SLC12A7: variants seen among roughly 807,000 people sequenced by gnomAD.
SLC12A7 encodes solute carrier family 12 member 7.
Under a neutral mutation model 120.6 loss-of-function variants are expected in SLC12A7, and 100 were observed. The ratio of observed to expected loss-of-function variants is 0.83; its 90% CI spans 0.71 to 0.98. SLC12A7 has a LOEUF of 0.98. SLC12A7 is among the 50% of genes least tolerant of loss of function. SLC12A7 has a pLI of 0.00. For missense variants in SLC12A7, 1,373 were observed against 1,548.1 expected, an observed-to-expected ratio of 0.89 and a Z score of 1.90; for synonymous variants, 760 against 678.0, an observed-to-expected ratio of 1.12 and a Z score of -1.88.
chr5:1,130,504 G>T, the SLC12A7 span, among the ~76,000 whole-genome samples: 2 of 147,834 alleles, frequency 1.4e-5, no homozygotes, highest in African/African-American at 4.9e-5. Flanking sequence ...CCCTGCCCAC[G>T]GCTGCACACG....
At chr5:1,085,008 G>T (rs1200869325) in intron 7 of SLC12A7, among the ~76,000 whole-genome samples, 1 of 152,208 alleles carries the variant, frequency 6.6e-6, no homozygotes, top group Non-Finnish European at 1.5e-5. Context: ...CACTGAGGAG[G>T]GTCTTCATGC....
chr5:1,081,384 G>A (rs1037054771), intron 9 of SLC12A7, among the ~76,000 whole-genome samples, 193 bp downstream of exon 9: 13 of 152,118 alleles, frequency 8.5e-5, no homozygotes, highest in African/African-American at 2.9e-4. Flanking sequence ...TTAGCCGGGC[G>A]TGGTACTGGG....
intron 8 of SLC12A7, 117 bp downstream of exon 8, chr5:1,083,628 G>A (rs1049974527): frequency 2.8e-5 from 30 of 1,073,866 alleles, no homozygotes; most frequent in Non-Finnish European, 2.7e-5. Context: ...GAAGGGGCTC[G>A]GCCAGGCAGG....
Position 1,083,937 on chromosome 5 carries a change from G to T in SLC12A7, c.937C>A (p.Arg313Ser). The change falls in exon 8 of 24, where the codon CGC (arginine) becomes AGC (serine). Residue 313 changes from arginine (R) to serine (S), a missense_variant. Transcript: ENST00000264930. ...TCGAAGCTGCGCCGTGACAGCGTGC[G>T]GTTCCCCAGGAGGCAGACCCTGGGC... Reference protein sequence around the residue: ...PDIPVCLLGNRTLSRRSFDAC... With the variant: ...PDIPVCLLGNSTLSRRSFDAC... 6.2e-7 allele frequency: 1 copy of T among 1,603,422 alleles called. No individual in the cohort carries two copies.
At position 1,076,184 on chromosome 5, in the gene SLC12A7, G is replaced by A; in HGVS notation, c.1801C>T (p.Leu601=). The change falls in exon 14 of 24, where the codon CTG becomes TTG. Residue 601 remains leucine, a synonymous_variant. Coordinates refer to ENST00000264930, the MANE Select transcript of SLC12A7 (RefSeq NM_006598.3). ...FVNLACAVQT[L]LRTPNWRPRF... The stretch of plus-strand genomic sequence containing the variant: ...GGACGCCAGTTGGGGGTACGTAGCA[G>A]GGTCTGCACGGCGCAGGCCAGGTTC... 1 of 1,612,560 alleles carries A rather than the reference G, an allele frequency of 6.2e-7. No homozygotes were observed. Among genetic ancestry groups the A allele is most frequent in the Non-Finnish European group, 8.5e-7 (1 of 1,179,710 alleles).
At chr5:1,087,803 T>G (rs889473672) in intron 5 of SLC12A7, among the ~76,000 whole-genome samples, 1 of 152,182 alleles carries the variant, frequency 6.6e-6, no homozygotes, top group Non-Finnish European at 1.5e-5. Context: ...CGTTTATTAC[T>G]AATTAACAGT....
the SLC12A7 span, among the ~76,000 whole-genome samples, chr5:1,141,173 A>C: frequency 3.9e-5 from 6 of 152,244 alleles, no homozygotes; most frequent in South Asian, 1.2e-3. Context: ...TGCAGGCCCC[A>C]GCTTCTCCCT....
chr5:1,065,424 C>G lies in SLC12A7; in HGVS notation c.2296G>C (p.Val766Leu), dbSNP rs1408669653. 6.2e-7 allele frequency: 1 copy of G among 1,611,520 alleles called. No homozygotes were observed. The highest frequency in any genetic ancestry group is 8.5e-7 in the Non-Finnish European group (1 of 1,179,134). ...ATGCCATCCCGCAGGCTGGACGAGA[C>G]CACCAGCTGGCAGAAGCCCTTGGTC... Reference protein sequence around the residue: ...EKTKGFCQLVVSSSLRDGMSH... With the variant: ...EKTKGFCQLVLSSSLRDGMSH... Residue 766 changes from valine (V) to leucine (L), a missense_variant, in exon 18 of 24, where the codon GTC (valine) becomes CTC (leucine). Transcript: ENST00000264930.
rs1351467899 is a variant in SLC12A7, at chr5:1,079,385, C to T, written c.1396+13G>A. Reference sequence around the variant, plus strand: ...AGAGGCTGGAACCCTCGCCTGCACCCCTCCAAGGATACAGATGAAAGACGT... The same window carrying T: ...AGAGGCTGGAACCCTCGCCTGCACCTCTCCAAGGATACAGATGAAAGACGT... On this transcript the variant is annotated intron_variant, in intron 10 of 23. Transcript: ENST00000264930. 4 of 1,605,324 alleles carry T rather than the reference C, an allele frequency of 2.5e-6. No individual in the cohort carries two copies. The highest frequency in any genetic ancestry group is 3.4e-6 in the Non-Finnish European group (4 of 1,173,262).
intron 20 of SLC12A7, among the ~76,000 whole-genome samples, chr5:1,061,396 A>ATC (rs1736243027): frequency 2.0e-5 from 1 of 50,648 alleles, no homozygotes; most frequent in African/African-American, 8.0e-5. Context: ...CACCCGCCGT[A>ATC]CCTGCCGCAT....
chr5:1,130,860 C>T, the SLC12A7 span, among the ~76,000 whole-genome samples: 6 of 152,214 alleles, frequency 3.9e-5, no homozygotes, highest in Admixed American at 6.5e-5. Context: ...CCAAGGGGAG[C>T]GGCTGGGCCA....
the SLC12A7 span, among the ~76,000 whole-genome samples, chr5:1,119,438 C>A: frequency 0.034 from 5,126 of 152,300 alleles, 281 homozygotes; most frequent in East Asian, 0.18. Context: ...CGCAGGCACG[C>A]ACACATCCCT....
At chr5:1,057,763 T>C in intron 21 of SLC12A7, 114 bp from the exon 22 acceptor site, 1 of 1,050,756 alleles carries the variant, frequency 9.5e-7, no homozygotes, top group Non-Finnish European at 1.4e-6. Flanking sequence ...AAGGGCCCTG[T>C]GTGCCTGACC....
the SLC12A7 span, among the ~76,000 whole-genome samples, chr5:1,131,133 G>A: frequency 6.6e-6 from 1 of 152,146 alleles, no homozygotes; most frequent in African/African-American, 2.4e-5. Context: ...GTATTCGCAG[G>A]GACACACAGG....
chr5:1,081,892 C>T (rs533628331), intron 8 of SLC12A7, 148 bp from the exon 9 acceptor site: 30 of 914,464 alleles, frequency 3.3e-5, no homozygotes, highest in Admixed American at 1.7e-4. Context: ...AATTCAAACA[C>T]GCTTTCGAGA....
rs891625851 is a variant in SLC12A7 at position 1,051,151 on chromosome 5, C to T, written c.*1209G>A. 3.9e-5 allele frequency: 15 copies of T among 389,382 alleles called. No individual in the cohort carries two copies. Among genetic ancestry groups the T allele is most frequent in the South Asian group, 1.4e-4 (1 of 6,924 alleles). 24.1% of individuals were successfully genotyped at this position (389,382 alleles called of 1,614,324 possible). ...TACAAAGCAGAAACTCACAGCCAGC[C>T]GAAGTGCAAAGTGTTGGGCCCTTGA... On this transcript the variant is annotated 3_prime_UTR_variant, in exon 24 of 24. Coordinates refer to ENST00000264930, the MANE Select transcript of SLC12A7 (RefSeq NM_006598.3).
chr5:1,063,959 C>G lies in SLC12A7; in HGVS notation c.2624G>C (p.Arg875Pro). 6.2e-7 allele frequency: 1 copy of G among 1,612,532 alleles called. No homozygotes were observed. The highest frequency in any genetic ancestry group is 8.5e-7 in the Non-Finnish European group (1 of 1,179,800). ...CTGGGCCACGGTGAAGATACGCATC[C>G]GGCACTTCCTCCACACCTGCAGACA... The part of the protein sequence containing the change: ...LRQHKVWRKC[R>P]MRIFTVAQVD... The change falls in exon 20 of 24, where the codon CGG (arginine) becomes CCG (proline). Residue 875 changes from arginine to proline, a missense_variant. By Grantham distance (103) the Arg-to-Pro change is moderately radical. Coordinates refer to ENST00000264930, the MANE Select transcript of SLC12A7 (RefSeq NM_006598.3).
At chr5:1,150,525 G>A in the SLC12A7 span, among the ~76,000 whole-genome samples, 2 of 152,222 alleles carry the variant, frequency 1.3e-5, no homozygotes, top group Admixed American at 1.3e-4. Flanking sequence ...AGAAAATTCT[G>A]GTGTATACAT....
chr5:1,070,017 C>T (rs1309713383), intron 17 of SLC12A7, among the ~76,000 whole-genome samples: 3 of 49,142 alleles, frequency 6.1e-5, no homozygotes, highest in Admixed American at 2.4e-4. Context: ...CCCCAGCACA[C>T]GGGCATCACA....
Sources: gnomAD v4.1 joint callset for allele counts (sites outside exome capture counted in the v4.1 genomes callset) on GRCh38, gnomAD v4.1.1 for gene constraint, MANE v1.5 for transcripts, NCBI Gene and HGNC (gene_info 2026-07-23, HGNC 2026-07-21) for gene names.